DLGAP1: variants seen among roughly 807,000 people sequenced by gnomAD.
DLGAP1 encodes the protein DLG associated protein 1.
In DLGAP1, 11 loss-of-function variants were observed where a neutral mutation model predicts 90.8. That is an observed-to-expected ratio of 0.12 (90% CI 0.08 to 0.20). The LOEUF is 0.20. Among genes scored for constraint, DLGAP1 ranks in the 10% least tolerant of loss-of-function variants. The pLI, the probability that DLGAP1 is intolerant of heterozygous loss-of-function variation, is 1.00. For missense variants in DLGAP1, 1,050 were observed against 1,333.8 expected (o/e 0.79, Z 3.31); for synonymous variants, 558 against 540.7 (o/e 1.03, Z -0.44).
In DLGAP1 at chr18:4,002,756, G is replaced by T. The variant is rs371940765; in HGVS notation, c.-73+2360C>A. Among the ~76,000 whole-genome samples, 243 of 152,162 alleles carry T rather than the reference G, an allele frequency of 1.6e-3. 3 individuals carry two copies. The South Asian group carries it at 0.029, about 18-fold the overall frequency. ...GTTCCCCTAATCGCCACATTATTCC[G>T]GGGTCAACTATTGTTTAATCAGCAT... On this transcript the variant is annotated intron_variant, in intron 3 of 12. Coordinates refer to ENST00000315677, the MANE Select transcript of DLGAP1 (RefSeq NM_004746.4).
At chr18:4,262,029 A>G (rs2079013705) in intron 1 of DLGAP1, among the ~76,000 whole-genome samples, 1 of 152,358 alleles carries the variant, frequency 6.6e-6, no homozygotes, top group South Asian at 2.1e-4. Flanking sequence ...GGGAGGCTAT[A>G]TTAGATCGTT....
At chr18:3,740,763 C>A (rs528709304) in intron 6 of DLGAP1, among the ~76,000 whole-genome samples, 3 of 151,636 alleles carry the variant, frequency 2.0e-5, no homozygotes, top group South Asian at 4.2e-4. Flanking sequence ...ACCACTGTCA[C>A]CATCACTATC....
chr18:4,344,911 TTG>T (rs2081274110), intron 1 of DLGAP1, among the ~76,000 whole-genome samples: 1 of 152,202 alleles, frequency 6.6e-6, no homozygotes, highest in Non-Finnish European at 1.5e-5. Context: ...ACTGCAAAAG[TTG>T]TTACACATTT....
At chr18:3,817,265 CAG>C (rs2067153296) in intron 4 of DLGAP1, among the ~76,000 whole-genome samples, 3 of 152,080 alleles carry the variant, frequency 2.0e-5, no homozygotes, top group African/African-American at 7.2e-5. Flanking sequence ...AAATTTTGTT[CAG>C]ATATTTTTTT....
intron 2 of DLGAP1, among the ~76,000 whole-genome samples, chr18:4,121,527 C>T (rs896218859): frequency 1.3e-5 from 2 of 152,156 alleles, no homozygotes. Flanking sequence ...CCACCATCCC[C>T]CAGGTGATGT....
At chr18:4,066,550 G>A (rs910210651) in intron 2 of DLGAP1, among the ~76,000 whole-genome samples, 1 of 152,008 alleles carries the variant, frequency 6.6e-6, no homozygotes, top group African/African-American at 2.4e-5. Flanking sequence ...AGACATATAT[G>A]GAGCCAACAA....
At chr18:3,519,397 T>G (rs1403539623) in intron 10 of DLGAP1, among the ~76,000 whole-genome samples, 1 of 152,178 alleles carries the variant, frequency 6.6e-6, no homozygotes. Context: ...TGCCCGTTAG[T>G]CCTTTGCAAT....
intron 1 of DLGAP1, among the ~76,000 whole-genome samples, chr18:4,381,993 T>C (rs1475117253): frequency 6.6e-6 from 1 of 152,084 alleles, no homozygotes; most frequent in Non-Finnish European, 1.5e-5. Flanking sequence ...TATAAAACCG[T>C]GAGATCTCAT....
chr18:4,233,266 G>T (rs1311419413), intron 1 of DLGAP1, among the ~76,000 whole-genome samples: 1 of 152,118 alleles, frequency 6.6e-6, no homozygotes, highest in Admixed American at 6.6e-5. Flanking sequence ...AAAACAGATT[G>T]AAGTTTGTTA....
intron 7 of DLGAP1, among the ~76,000 whole-genome samples, chr18:3,724,916 A>C (rs1036098283): frequency 2.0e-5 from 3 of 151,926 alleles, no homozygotes; most frequent in Non-Finnish European, 4.4e-5. Context: ...AAAAAAAAAA[A>C]AACCCAACCA....
At chr18:4,411,464 T>C (rs547340085) in intron 1 of DLGAP1, among the ~76,000 whole-genome samples, 2 of 152,240 alleles carry the variant, frequency 1.3e-5, no homozygotes, top group South Asian at 2.1e-4. Context: ...GCAGAGAAAG[T>C]CAATGAAAAA....
chr18:3,924,563 A>C (rs1379474892), intron 3 of DLGAP1, among the ~76,000 whole-genome samples: 1 of 152,166 alleles, frequency 6.6e-6, no homozygotes, highest in African/African-American at 2.4e-5. Context: ...CTTGGAGGTG[A>C]ACTTGTTCAT....
At chr18:4,124,220 C>T (rs760752778) in intron 2 of DLGAP1, among the ~76,000 whole-genome samples, 3 of 152,140 alleles carry the variant, frequency 2.0e-5, no homozygotes, top group Non-Finnish European at 4.4e-5. Flanking sequence ...TATGCTTTCT[C>T]CTATGAATCT....
chr18:4,035,774 T>G (rs1330575471), intron 2 of DLGAP1, among the ~76,000 whole-genome samples: 2 of 152,186 alleles, frequency 1.3e-5, no homozygotes, highest in Non-Finnish European at 2.9e-5. Context: ...TTTCTTTGGC[T>G]TAATCACCAA....
In DLGAP1 at chr18:3,530,556, T is replaced by C. The variant is rs556376915; in HGVS notation, c.2479+3638A>G. ...GAGCAGTGGCACGGGATGTCATTGT[T>C]CCTTAGTTGCTGGCATTTTTCCTAG... On this transcript the variant is annotated intron_variant, in intron 10 of 12. Transcript: ENST00000315677. Among the ~76,000 whole-genome samples the C allele has an allele frequency of 4.6e-5, 7 of 152,344 alleles. No individual in the cohort carries two copies. The East Asian group carries it at 1.3e-3, about 29-fold the overall frequency.
intron 3 of DLGAP1, among the ~76,000 whole-genome samples, chr18:3,925,262 T>G (rs1002792054): frequency 1.3e-5 from 2 of 151,146 alleles, no homozygotes; most frequent in Non-Finnish European, 2.9e-5. Context: ...AGCTGCATTT[T>G]TATCTAATAA....
At chr18:4,182,626 A>C (rs532171020) in intron 1 of DLGAP1, among the ~76,000 whole-genome samples, 3 of 152,288 alleles carry the variant, frequency 2.0e-5, no homozygotes, top group South Asian at 4.1e-4. Context: ...GTATTAAATA[A>C]ACATATTAAT....
intron 7 of DLGAP1, chr18:3,594,614 C>T (rs2056474230): frequency 1.3e-5 from 2 of 152,118 alleles, no homozygotes; most frequent in East Asian, 3.9e-4. Context: ...TTCACCTTAG[C>T]TGCAGGGTTA....
chr18:4,111,960 A>G (rs1225086699), intron 2 of DLGAP1, among the ~76,000 whole-genome samples: 1 of 150,676 alleles, frequency 6.6e-6, no homozygotes, highest in Non-Finnish European at 1.5e-5. Context: ...CATAATAATA[A>G]TAATTATTAT....
Sources: gnomAD v4.1 joint callset for allele counts (sites outside exome capture counted in the v4.1 genomes callset) on GRCh38, gnomAD v4.1.1 for gene constraint, MANE v1.5 for transcripts, NCBI Gene and HGNC (gene_info 2026-07-23, HGNC 2026-07-21) for gene names.